BMERB1: variants seen among roughly 807,000 people sequenced by gnomAD.
BMERB1 encodes bMERB domain containing 1, also known as bMERB domain-containing protein 1.
A neutral mutation model predicts 23.6 loss-of-function variants in BMERB1; 12 were observed. The observed-to-expected ratio is 0.51, with a 90% CI of 0.33 to 0.82. BMERB1 has a LOEUF of 0.82. BMERB1 is among the 40% of genes least tolerant of loss of function. BMERB1 has a pLI of 0.03. For synonymous variants in BMERB1, 122 were observed against 96.6 expected, an observed-to-expected ratio of 1.26 and a Z score of -1.54; for missense variants, 247 against 255.4, an observed-to-expected ratio of 0.97 and a Z score of 0.22.
intron 1 of BMERB1, among the ~76,000 whole-genome samples, chr16:15,511,862 AATTAGCCAGGCGTGGTGAC>A: frequency 6.6e-6 from 1 of 151,940 alleles, no homozygotes; most frequent in South Asian, 2.1e-4. Flanking sequence ...AAATACAAAA[AATTAGCCAGGCGTGGTGAC>A]ATGCGCCTGT....
At chr16:15,499,060 G>A (rs1035477060) in intron 1 of BMERB1, among the ~76,000 whole-genome samples, 1 of 152,196 alleles carries the variant, frequency 6.6e-6, no homozygotes, top group African/African-American at 2.4e-5. Context: ...TGTCTTTCTT[G>A]TGAAAGAAAC....
At chr16:15,552,661 A>G (rs1429806118) in intron 2 of BMERB1, among the ~76,000 whole-genome samples, 1 of 152,194 alleles carries the variant, frequency 6.6e-6, no homozygotes, top group African/African-American at 2.4e-5. Flanking sequence ...TCTCAGTCGA[A>G]GCAGTGGGGT....
intron 3 of BMERB1, among the ~76,000 whole-genome samples, chr16:15,572,939 C>T (rs761207162): frequency 1.3e-5 from 2 of 152,120 alleles, no homozygotes; most frequent in East Asian, 3.9e-4. Context: ...TTCTGTGCTG[C>T]CTGCTGCCAA....
At chr16:15,530,827 C>T (rs1219122021) in intron 2 of BMERB1, among the ~76,000 whole-genome samples, 1 of 151,938 alleles carries the variant, frequency 6.6e-6, no homozygotes, top group African/African-American at 2.4e-5. Context: ...GAGGAACCTT[C>T]TGCCATGATT....
At chr16:15,551,059 CAGCTCAG>C (rs2030076147) in intron 2 of BMERB1, among the ~76,000 whole-genome samples, 1 of 152,182 alleles carries the variant, frequency 6.6e-6, no homozygotes, top group African/African-American at 2.4e-5. Flanking sequence ...GATGCTGAGC[CAGCTCAG>C]AATAGAAACG....
chr16:15,546,889 C>T (rs2150964746), intron 2 of BMERB1, among the ~76,000 whole-genome samples: 1 of 152,220 alleles, frequency 6.6e-6, no homozygotes, highest in South Asian at 2.1e-4. Flanking sequence ...TAATCCTAAA[C>T]GTGTCCTGTT....
chr16:15,558,258 G>A (rs1037769427), intron 2 of BMERB1, among the ~76,000 whole-genome samples: 4 of 152,082 alleles, frequency 2.6e-5, no homozygotes. Flanking sequence ...CACCAACGCA[G>A]CCAAGCAAGG....
At chr16:15,578,230 T>G (rs938664118) in intron 3 of BMERB1, among the ~76,000 whole-genome samples, 4 of 151,552 alleles carry the variant, frequency 2.6e-5, no homozygotes. Flanking sequence ...TCTCCTCTTT[T>G]TTTTTTTTTT....
chr16:15,519,067 A>G (rs59107972), intron 2 of BMERB1, among the ~76,000 whole-genome samples: 11,678 of 116,736 alleles, frequency 0.1, 545 homozygotes, highest in African/African-American at 0.16. Flanking sequence ...TACCCCAACA[A>G]TCCTCTTACA....
rs180905370 is a variant in BMERB1, at chr16:15,492,831, A to G, written c.107-22474A>G. Among the ~76,000 whole-genome samples, 485 of 152,204 alleles carry G rather than the reference A, an allele frequency of 3.2e-3. 3 individuals carry two copies. Among genetic ancestry groups the G allele is most frequent in the African/African-American group, 0.011 (473 of 41,506 alleles). On this transcript the variant is annotated intron_variant, in intron 1 of 5. Transcript: ENST00000300006. ...CTACTCGGGAGGCTAAGGCAGGAGA[A>G]TCGCTTGAACCCAGGAGGCGGAGGT...
intron 1 of BMERB1, among the ~76,000 whole-genome samples, chr16:15,435,218 G>T (rs1196058605): frequency 6.6e-6 from 1 of 152,180 alleles, no homozygotes; most frequent in Non-Finnish European, 1.5e-5. Flanking sequence ...CCCTGCGTGA[G>T]GTTTCGGAGC....
intron 1 of BMERB1, among the ~76,000 whole-genome samples, chr16:15,467,750 C>T (rs1364418102): frequency 6.6e-6 from 1 of 152,154 alleles, no homozygotes; most frequent in African/African-American, 2.4e-5. Context: ...ACACAGCCCT[C>T]AGGAGATCCT....
chr16:15,486,102 T>C (rs1023083399), intron 1 of BMERB1, among the ~76,000 whole-genome samples: 1 of 149,316 alleles, frequency 6.7e-6, no homozygotes, highest in Non-Finnish European at 1.5e-5. Context: ...ATTAGCCAGG[T>C]GTGGTGGCAC....
intron 1 of BMERB1, among the ~76,000 whole-genome samples, chr16:15,484,490 C>T (rs1343735681): frequency 6.6e-6 from 1 of 152,132 alleles, no homozygotes; most frequent in African/African-American, 2.4e-5. Flanking sequence ...CAAACTTCGC[C>T]TCCTGGGTTC....
rs555036670 is a variant in BMERB1, at chr16:15,587,419, G to A, written c.*590G>A. On this transcript the variant is annotated 3_prime_UTR_variant, in exon 6 of 6. Transcript: ENST00000300006. ...AAAGATCGAGCTTGTGTGTGGTGTC[G>A]TGGTCACATCTCCCGCTTCCCCCCA... The A allele has an allele frequency of 6.6e-5, 20 of 302,194 alleles. No homozygotes were observed. Among genetic ancestry groups the A allele is most frequent in the African/African-American group, 3.1e-4 (14 of 45,338 alleles). The allele number at this position is 302,194 out of a possible 1,614,324, so 18.7% of individuals were successfully genotyped here. A position where few individuals can be genotyped will look rare whatever the true frequency, so the allele number is the denominator to read the frequency against.
chr16:15,579,460 A>G (rs183416142), intron 3 of BMERB1, among the ~76,000 whole-genome samples: 1 of 152,260 alleles, frequency 6.6e-6, no homozygotes, highest in African/African-American at 2.4e-5. Flanking sequence ...AGAGAAACCA[A>G]CTTTCTGTCC....
chr16:15,506,989 AAG>A (rs913507122), intron 1 of BMERB1, among the ~76,000 whole-genome samples: 6 of 152,282 alleles, frequency 3.9e-5, no homozygotes, highest in East Asian at 1.9e-4. Context: ...TTAATCTAGA[AAG>A]AGAGGTTGAT....
At chr16:15,510,764 T>C (rs1028316716) in intron 1 of BMERB1, among the ~76,000 whole-genome samples, 1 of 151,692 alleles carries the variant, frequency 6.6e-6, no homozygotes, top group Non-Finnish European at 1.5e-5. Flanking sequence ...TGTAGTGGTA[T>C]GATCTCGGCT....
intron 2 of BMERB1, among the ~76,000 whole-genome samples, chr16:15,531,253 A>G (rs576687477): frequency 3.2e-4 from 48 of 152,110 alleles, no homozygotes; most frequent in African/African-American, 9.4e-4. Context: ...GTATTTCTTC[A>G]TAGCAGCATG....
Sources: gnomAD v4.1 joint callset for allele counts (sites outside exome capture counted in the v4.1 genomes callset) on GRCh38, gnomAD v4.1.1 for gene constraint, MANE v1.5 for transcripts, NCBI Gene and HGNC (gene_info 2026-07-23, HGNC 2026-07-21) for gene names.